Variants in HMOX2 observed in about 807,000 individuals in gnomAD.
HMOX2 encodes heme oxygenase (decycling) 2.
HMOX2 carries 30 observed loss-of-function variants against 33.7 expected under a neutral mutation model. That is an observed-to-expected ratio of 0.89 (90% CI 0.67 to 1.21). The LOEUF (loss-of-function observed/expected upper bound fraction) is 1.21, where lower values mean the gene tolerates loss of function less well. HMOX2 is among the 50% of genes most tolerant of loss of function. The pLI, the probability that HMOX2 is intolerant of heterozygous loss-of-function variation, is 0.00. For synonymous variants in HMOX2, 155 were observed against 155.0 expected (o/e 1.00, Z 0.00); for missense variants, 403 against 399.1 (o/e 1.01, Z -0.08).
At chr16:4,507,620 T>G in intron 3 of HMOX2, 93 bp from the exon 4 acceptor site, 1 of 1,347,296 alleles carries the variant, frequency 7.4e-7, no homozygotes, top group Non-Finnish European at 1.0e-6. Flanking sequence ...GATTGGGTCT[T>G]TGGGGTTGGG....
In HMOX2 at chr16:4,496,423, C is replaced by G. The variant is rs200779344; in HGVS notation, c.-41-9061C>G. 2.6e-5 allele frequency: 4 copies of G among 152,090 alleles called. No homozygotes were observed. In the East Asian group the frequency reaches 5.8e-4, roughly 22 times the overall value. 9.4% of individuals were successfully genotyped at this position (152,090 alleles called of 1,614,324 possible). A position where few individuals can be genotyped will look rare whatever the true frequency, so the allele number is the denominator to read the frequency against. ...ATAGGTGTGAGTCACCATGCCTGGC[C>G]TCTTGCTCACTTTTCATACTAAAAC... On this transcript the variant is annotated intron_variant, in intron 1 of 5. Coordinates refer to ENST00000570646, the MANE Select transcript of HMOX2 (RefSeq NM_002134.4).
At chr16:4,480,229 G>A (rs1476025316) in intron 1 of HMOX2, among the ~76,000 whole-genome samples, 1 of 151,058 alleles carries the variant, frequency 6.6e-6, no homozygotes, top group Non-Finnish European at 1.5e-5. Flanking sequence ...TGTACTTTTG[G>A]TAGAGATGGG....
At chr16:4,508,877 G>A (rs955593215) in intron 4 of HMOX2, among the ~76,000 whole-genome samples, 1 of 152,184 alleles carries the variant, frequency 6.6e-6, no homozygotes, top group Non-Finnish European at 1.5e-5. Flanking sequence ...AGTTCCCAGG[G>A]GAGACCCAGC....
chr16:4,487,485 A>G (rs892334581), intron 1 of HMOX2, among the ~76,000 whole-genome samples: 2 of 150,952 alleles, frequency 1.3e-5, no homozygotes, highest in African/African-American at 4.9e-5. Flanking sequence ...AGCCTGACCA[A>G]CATGGAGAAA....
At chr16:4,498,673 C>T (rs1240234376) in intron 1 of HMOX2, among the ~76,000 whole-genome samples, 1 of 152,186 alleles carries the variant, frequency 6.6e-6, no homozygotes, top group Non-Finnish European at 1.5e-5. Context: ...CTGCACCCAG[C>T]CTGGATTTGC....
upstream of HMOX2, among the ~76,000 whole-genome samples, chr16:4,475,243 G>A (rs2057785363): frequency 6.6e-6 from 1 of 150,816 alleles, no homozygotes. Context: ...GGGAGCCACC[G>A]TGCCCAGCCC....
At chr16:4,493,402 C>T (rs1252679875) in intron 1 of HMOX2, among the ~76,000 whole-genome samples, 3 of 152,146 alleles carry the variant, frequency 2.0e-5, no homozygotes, top group African/African-American at 4.8e-5. Flanking sequence ...TATTAATCAG[C>T]ACCATATGAT....
intron 1 of HMOX2, among the ~76,000 whole-genome samples, chr16:4,489,531 C>G (rs2058257020): frequency 6.6e-6 from 1 of 152,174 alleles, no homozygotes; most frequent in Non-Finnish European, 1.5e-5. Flanking sequence ...ACGGTCTTGG[C>G]TCACTGCAGC....
At chr16:4,476,524 C>T (rs1359296266) in intron 1 of HMOX2, 37 bp downstream of exon 1, 1 of 152,308 alleles carries the variant, frequency 6.6e-6, no homozygotes, top group Non-Finnish European at 1.5e-5. Context: ...CTTCCTTCCG[C>T]CCGGCTTCTC....
upstream of HMOX2, among the ~76,000 whole-genome samples, chr16:4,475,424 C>CA (rs1160163009): frequency 6.6e-6 from 1 of 151,952 alleles, no homozygotes; most frequent in Non-Finnish European, 1.5e-5. Context: ...TCTCCTGCCT[C>CA]AGTTTCCTGA....
chr16:4,500,055 A>G (rs557569764), intron 1 of HMOX2, among the ~76,000 whole-genome samples: 20 of 152,320 alleles, frequency 1.3e-4, no homozygotes, highest in African/African-American at 4.3e-4. Flanking sequence ...GTGCTGGCCT[A>G]TAAGTCATAT....
upstream of HMOX2, chr16:4,476,251 C>A (rs931497535): frequency 6.6e-6 from 1 of 152,348 alleles, no homozygotes; most frequent in Admixed American, 6.5e-5. Flanking sequence ...CTGAGCAGAG[C>A]CTGAGCCTGC....
rs752974445 is a variant in HMOX2 at position 4,509,772 on chromosome 16, A to C, written c.*16A>C. ...CTACATGTGAAGCACCCATCATGCC[A>C]CACCGGTACCCTCCTCCCGACTGAC... On this transcript the variant is annotated 3_prime_UTR_variant, in exon 6 of 6. Transcript: ENST00000570646. 1 of 1,608,590 alleles carries C rather than the reference A, an allele frequency of 6.2e-7. No individual in the cohort carries two copies. The highest frequency in any genetic ancestry group is 8.5e-7 in the Non-Finnish European group (1 of 1,177,578).
chr16:4,486,617 G>A (rs2058175139), intron 1 of HMOX2, among the ~76,000 whole-genome samples: 1 of 152,200 alleles, frequency 6.6e-6, no homozygotes, highest in African/African-American at 2.4e-5. Flanking sequence ...GGGAGCTCTG[G>A]CCTAGCTGCC....
intron 1 of HMOX2, among the ~76,000 whole-genome samples, chr16:4,486,780 T>C (rs1193939207): frequency 6.6e-6 from 1 of 152,152 alleles, no homozygotes; most frequent in Admixed American, 6.6e-5. Flanking sequence ...CCAGCAAATG[T>C]TTAATTGAAT....
intron 1 of HMOX2, chr16:4,495,589 C>T (rs1023179341): frequency 2.0e-4 from 30 of 152,164 alleles, no homozygotes; most frequent in African/African-American, 6.8e-4. Flanking sequence ...CCACCTTGTT[C>T]GATTGACCAA....
chr16:4,492,394 C>T (rs2058326358), intron 1 of HMOX2, among the ~76,000 whole-genome samples: 2 of 151,840 alleles, frequency 1.3e-5, no homozygotes, highest in Admixed American at 1.3e-4. Context: ...AGTTGAGGTT[C>T]GTCATGAAGA....
chr16:4,490,673 G>A (rs2058282606), intron 1 of HMOX2, among the ~76,000 whole-genome samples: 1 of 152,218 alleles, frequency 6.6e-6, no homozygotes, highest in African/African-American at 2.4e-5. Context: ...TTTGTGGGCA[G>A]TGCCAAGCTG....
chr16:4,485,879 A>G (rs140009662), intron 1 of HMOX2, among the ~76,000 whole-genome samples: 2 of 151,966 alleles, frequency 1.3e-5, no homozygotes, highest in African/African-American at 4.8e-5. Flanking sequence ...ACCTGCCACC[A>G]CGCCCGGCTA....
Sources: allele counts gnomAD v4.1 joint callset (sites outside exome capture counted in the v4.1 genomes callset), GRCh38; gene constraint gnomAD v4.1.1; transcripts MANE v1.5; gene names NCBI Gene and HGNC (gene_info 2026-07-23, HGNC 2026-07-21).